SLC10A7: variants seen among roughly 807,000 people sequenced by gnomAD.
SLC10A7 encodes solute carrier family 10 member 7.
A neutral mutation model predicts 43.2 loss-of-function variants in SLC10A7; 29 were observed. That is an observed-to-expected ratio of 0.67 (90% CI 0.50 to 0.92). SLC10A7 has a LOEUF of 0.92. Among genes scored for constraint, SLC10A7 ranks in the 40% least tolerant of loss-of-function variants. SLC10A7 has a pLI of 0.00. For missense variants in SLC10A7, 295 were observed against 403.2 expected (o/e 0.73, Z 2.30); for synonymous variants, 152 against 144.8 (o/e 1.05, Z -0.35).
intron 5 of SLC10A7, among the ~76,000 whole-genome samples, chr4:146,424,232 TG>T (rs1729158449): frequency 6.6e-6 from 1 of 152,162 alleles, no homozygotes; most frequent in Admixed American, 6.5e-5. Flanking sequence ...TTTAATTTTT[TG>T]TAGAGACAGG....
rs775788593 is a variant in SLC10A7, at chr4:146,283,270, G to C, written c.774-5C>G. 2.5e-6 allele frequency: 4 copies of C among 1,612,020 alleles called. No individual in the cohort carries two copies. The South Asian group carries it at 4.4e-5, about 18-fold the overall frequency. ...GGTGTGAAACCCGAATTATTCCTAG[G>C]GGCAAAAAAAGATTTTGACAAATAC... On this transcript the variant is annotated splice_polypyrimidine_tract_variant and splice_region_variant and intron_variant, in intron 9 of 11. Transcript: ENST00000335472.
At chr4:146,470,835 G>A (rs1733506936) in intron 4 of SLC10A7, among the ~76,000 whole-genome samples, 1 of 152,146 alleles carries the variant, frequency 6.6e-6, no homozygotes, top group Admixed American at 6.5e-5. Context: ...TAGCATGTTG[G>A]TATGGGAAAT....
chr4:146,441,770 C>T, intron 5 of SLC10A7: 1 of 985,082 alleles, frequency 1.0e-6, no homozygotes, highest in East Asian at 1.1e-4. Flanking sequence ...ATATATTTTG[C>T]AGATGCTACA....
chr4:146,300,758 G>T (rs1043408985), intron 7 of SLC10A7, among the ~76,000 whole-genome samples: 17 of 151,926 alleles, frequency 1.1e-4, no homozygotes, highest in Non-Finnish European at 2.5e-4. Flanking sequence ...TTCTTGAACT[G>T]GTATCCTTAA....
chr4:146,329,512 G>A (rs1421295412), intron 5 of SLC10A7, among the ~76,000 whole-genome samples: 1 of 152,156 alleles, frequency 6.6e-6, no homozygotes, highest in Non-Finnish European at 1.5e-5. Flanking sequence ...GAGCCTCAGA[G>A]AGACTGAGTG....
intron 4 of SLC10A7, among the ~76,000 whole-genome samples, chr4:146,490,539 G>C (rs2150004091): frequency 6.6e-6 from 1 of 152,280 alleles, no homozygotes; most frequent in East Asian, 1.9e-4. Flanking sequence ...TTGCCTATTT[G>C]AGAAGGTGTA....
chr4:146,395,640 G>T (rs1294026990), intron 5 of SLC10A7, among the ~76,000 whole-genome samples: 8 of 152,108 alleles, frequency 5.3e-5, no homozygotes, highest in Non-Finnish European at 7.4e-5. Flanking sequence ...ACATATATTT[G>T]CTCCCAACAT....
At position 146,502,447 on chromosome 4, in the gene SLC10A7, T is replaced by G. The variant is rs112716509; in HGVS notation, c.396+1402A>C. 7.9e-3 allele frequency among the ~76,000 whole-genome samples: 1,209 copies of G among 152,324 alleles called. 10 individuals carry two copies. Among genetic ancestry groups the G allele is most frequent in the Middle Eastern group, 0.031 (9 of 294 alleles). On this transcript the variant is annotated intron_variant, in intron 4 of 11. Transcript: ENST00000335472. ...AAGCTATTTATAGGAGACTTATAAC[T>G]ATTTATAGATGATTCTTCCTTGATT...
Position 146,492,851 on chromosome 4 carries a change from T to C in SLC10A7, c.396+10998A>G, listed in dbSNP as rs1735579170. ...ATTTACATGGGTCTTATATGTTTTT[T>C]TTTCCCAAAATATTTTCATCTAAAA... On this transcript the variant is annotated intron_variant, in intron 4 of 11. Coordinates refer to ENST00000335472, the MANE Select transcript of SLC10A7 (RefSeq NM_001029998.6). Among the ~76,000 whole-genome samples the C allele has an allele frequency of 1.3e-5, 2 of 152,164 alleles. 1 individual carries two copies. The highest frequency in any genetic ancestry group is 4.1e-4 in the South Asian group (2 of 4,824).
chr4:146,422,921 A>G (rs1458469849), intron 5 of SLC10A7, among the ~76,000 whole-genome samples: 2 of 152,084 alleles, frequency 1.3e-5, no homozygotes, highest in African/African-American at 4.8e-5. Flanking sequence ...ATACTAATTA[A>G]TATAGTGTAA....
intron 4 of SLC10A7, among the ~76,000 whole-genome samples, chr4:146,473,342 T>C (rs1473272635): frequency 6.6e-6 from 1 of 152,192 alleles, no homozygotes; most frequent in Non-Finnish European, 1.5e-5. Context: ...ATGTATGACA[T>C]ATATGTTTTA....
intron 4 of SLC10A7, among the ~76,000 whole-genome samples, chr4:146,479,736 G>C (rs1181506555): frequency 2.6e-5 from 4 of 152,038 alleles, no homozygotes; most frequent in African/African-American, 9.7e-5. Flanking sequence ...TGATGCCACT[G>C]AACTGTATAC....
At chr4:146,377,900 A>G (rs1737319903) in intron 5 of SLC10A7, among the ~76,000 whole-genome samples, 2 of 152,242 alleles carry the variant, frequency 1.3e-5, no homozygotes, top group Admixed American at 6.5e-5. Flanking sequence ...ATAGGTTTAT[A>G]TGCCAGTATT....
chr4:146,292,215 A>G (rs574528689), intron 9 of SLC10A7, among the ~76,000 whole-genome samples: 6 of 152,328 alleles, frequency 3.9e-5, no homozygotes, highest in Admixed American at 3.9e-4. Context: ...CTGGATAACC[A>G]TTGAAGATAT....
intron 5 of SLC10A7, among the ~76,000 whole-genome samples, chr4:146,386,457 C>T (rs1046358659): frequency 1.3e-5 from 2 of 152,110 alleles, no homozygotes; most frequent in African/African-American, 2.4e-5. Context: ...ATTTTGCTAC[C>T]TCTCTCTCAA....
chr4:146,422,231 G>T (rs538423583), intron 5 of SLC10A7, among the ~76,000 whole-genome samples: 1 of 152,106 alleles, frequency 6.6e-6, no homozygotes, highest in South Asian at 2.1e-4. Context: ...GGAGAATAAA[G>T]GTACAAAAAA....
chr4:146,479,362 C>G (rs1490585180), intron 4 of SLC10A7, among the ~76,000 whole-genome samples: 3 of 152,110 alleles, frequency 2.0e-5, no homozygotes, highest in Non-Finnish European at 4.4e-5. Context: ...TATCATAACA[C>G]TACCTACTCT....
chr4:146,318,435 T>G (rs1217357957), intron 6 of SLC10A7, among the ~76,000 whole-genome samples: 1 of 152,098 alleles, frequency 6.6e-6, no homozygotes, highest in African/African-American at 2.4e-5. Context: ...TGAAACACAT[T>G]CTCTGCTAAA....
intron 5 of SLC10A7, among the ~76,000 whole-genome samples, chr4:146,355,158 C>T (rs1196754280): frequency 6.7e-6 from 1 of 149,960 alleles, no homozygotes; most frequent in South Asian, 2.1e-4. Context: ...GGGCTAATAT[C>T]CAGAATCTAC....
Sources: allele counts gnomAD v4.1 joint callset (sites outside exome capture counted in the v4.1 genomes callset), GRCh38; gene constraint gnomAD v4.1.1; transcripts MANE v1.5; gene names NCBI Gene and HGNC (gene_info 2026-07-23, HGNC 2026-07-21).